The following SYT9 variants were observed in gnomAD, a reference collection of about 807,000 sequenced individuals.
SYT9 encodes the protein synaptotagmin 9.
SYT9 carries 22 observed loss-of-function variants against 48.4 expected under a neutral mutation model. The ratio of observed to expected loss-of-function variants is 0.45; its 90% CI spans 0.32 to 0.65. The LOEUF is 0.65. Among genes scored for constraint, SYT9 ranks in the 30% least tolerant of loss-of-function variants. The pLI is 0.03. For missense variants in SYT9, 577 were observed against 622.0 expected (o/e 0.93, Z 0.77); for synonymous variants, 265 against 245.0 (o/e 1.08, Z -0.76).
At chr11:7,446,261 A>G (rs1847928392) in intron 6 of SYT9, among the ~76,000 whole-genome samples, 1 of 152,246 alleles carries the variant, frequency 6.6e-6, no homozygotes, top group Non-Finnish European at 1.5e-5. Flanking sequence ...GAAGGACTGT[A>G]CAGTGAAGAT....
At chr11:7,273,370 A>G (rs1376411519) in intron 1 of SYT9, among the ~76,000 whole-genome samples, 2 of 151,190 alleles carry the variant, frequency 1.3e-5, no homozygotes, top group East Asian at 3.9e-4. Context: ...TTGTTTTTTG[A>G]CTGGTTCTTC....
At chr11:7,353,831 AT>A (rs1226090621) in intron 3 of SYT9, among the ~76,000 whole-genome samples, 1 of 152,114 alleles carries the variant, frequency 6.6e-6, no homozygotes, top group Non-Finnish European at 1.5e-5. Flanking sequence ...GTATATGTAT[AT>A]TTTCTTGTTT....
intron 1 of SYT9, among the ~76,000 whole-genome samples, chr11:7,290,425 T>C (rs889186948): frequency 6.6e-6 from 1 of 152,196 alleles, no homozygotes; most frequent in African/African-American, 2.4e-5. Flanking sequence ...TAATACATGA[T>C]GCTTGTCCCA....
At chr11:7,439,799 T>A (rs1260509174) in intron 6 of SYT9, 1 of 152,152 alleles carries the variant, frequency 6.6e-6, no homozygotes, top group Non-Finnish European at 1.5e-5. Flanking sequence ...CAAGCAGCCC[T>A]AACCACCGAG....
intron 1 of SYT9, among the ~76,000 whole-genome samples, chr11:7,277,569 G>A (rs1393139177): frequency 6.6e-6 from 1 of 152,164 alleles, no homozygotes; most frequent in Non-Finnish European, 1.5e-5. Context: ...GAAGAAAAGG[G>A]CACTTTTTCA....
chr11:7,312,543 A>C (rs186082251), intron 2 of SYT9, among the ~76,000 whole-genome samples: 3 of 152,372 alleles, frequency 2.0e-5, no homozygotes, highest in African/African-American at 7.2e-5. Flanking sequence ...CAGATCAGAC[A>C]GGCTTTAAAG....
At chr11:7,453,273 G>C (rs1848091708) in intron 6 of SYT9, among the ~76,000 whole-genome samples, 1 of 152,044 alleles carries the variant, frequency 6.6e-6, no homozygotes, top group African/African-American at 2.4e-5. Flanking sequence ...GCCCACTATG[G>C]GGAGGAGTGG....
intron 1 of SYT9, among the ~76,000 whole-genome samples, chr11:7,239,286 A>G (rs927050636): frequency 1.6e-4 from 25 of 152,216 alleles, no homozygotes; most frequent in African/African-American, 5.3e-4. Flanking sequence ...TTCTGGCTCC[A>G]CTGTTCTAGA....
At chr11:7,247,643 G>GAT (rs772500692), upstream of SYT9, among the ~76,000 whole-genome samples, 2,436 of 131,178 alleles carry the variant, frequency 0.019, 46 homozygotes, top group African/African-American at 0.049. Flanking sequence ...ATATATACGT[G>GAT]ATATATATAT....
rs1247408527 is a variant in SYT9, at chr11:7,252,160, G to A, written c.-27G>A. 3 of 1,407,330 alleles carry A rather than the reference G, an allele frequency of 2.1e-6. No homozygotes were observed. Among genetic ancestry groups the A allele is most frequent in the African/African-American group, 1.5e-5 (1 of 66,692 alleles). 87.2% of individuals were successfully genotyped at this position (1,407,330 alleles called of 1,614,324 possible). A position where few individuals can be genotyped will look rare whatever the true frequency, so the allele number is the denominator to read the frequency against. On this transcript the variant is annotated 5_prime_UTR_variant, in exon 1 of 7. Transcript: ENST00000318881. This position sits in a 1 kb window ranked among gnomAD's most constrained non-coding sequence, Gnocchi z 6.3. Reference sequence around the variant, plus strand: ...GGCTGTCTCCTGCGCCCGCCTGCCCGGCGCGGTCCGAGGATGCGGGGGGGC... The same window carrying A: ...GGCTGTCTCCTGCGCCCGCCTGCCCAGCGCGGTCCGAGGATGCGGGGGGGC...
intron 2 of SYT9, among the ~76,000 whole-genome samples, chr11:7,308,255 C>G (rs1849068093): frequency 6.6e-6 from 1 of 152,196 alleles, no homozygotes; most frequent in Non-Finnish European, 1.5e-5. Context: ...TTGCTTCTCT[C>G]TTTTTTCTCC....
intron 1 of SYT9, among the ~76,000 whole-genome samples, chr11:7,279,483 G>C (rs541057949): frequency 6.6e-6 from 1 of 152,172 alleles, no homozygotes; most frequent in African/African-American, 2.4e-5. Context: ...TTAAGGCAGC[G>C]GGAAGCTTAG....
intron 6 of SYT9, among the ~76,000 whole-genome samples, chr11:7,461,992 T>A (rs547945913): frequency 6.6e-6 from 1 of 152,322 alleles, no homozygotes; most frequent in Admixed American, 6.5e-5. Flanking sequence ...ACCTTTCCCC[T>A]CAAGGTCTAC....
intron 1 of SYT9, among the ~76,000 whole-genome samples, chr11:7,255,846 A>C (rs910134879): frequency 6.6e-6 from 1 of 152,166 alleles, no homozygotes; most frequent in African/African-American, 2.4e-5. Context: ...TTGAACAGTG[A>C]CCTGAGGTAT....
intron 1 of SYT9, among the ~76,000 whole-genome samples, chr11:7,301,608 T>C (rs1848922031): frequency 6.6e-6 from 1 of 152,274 alleles, no homozygotes; most frequent in South Asian, 2.1e-4. Context: ...AATATGAATC[T>C]GTGAAGACAT....
intron 3 of SYT9, among the ~76,000 whole-genome samples, chr11:7,322,237 C>T (rs1348241742): frequency 6.6e-6 from 1 of 152,156 alleles, no homozygotes; most frequent in Non-Finnish European, 1.5e-5. Flanking sequence ...ATTGACTCCC[C>T]AGGCTGCTGC....
intron 3 of SYT9, among the ~76,000 whole-genome samples, chr11:7,407,801 T>G (rs774443608): frequency 3.3e-5 from 5 of 152,218 alleles, no homozygotes; most frequent in Non-Finnish European, 5.9e-5. Context: ...ATGTATTCTT[T>G]CTCCTTGGTG....
At chr11:7,382,899 C>T (rs1055721788) in intron 3 of SYT9, among the ~76,000 whole-genome samples, 26 of 152,182 alleles carry the variant, frequency 1.7e-4, no homozygotes, top group Non-Finnish European at 2.8e-4. Context: ...CGGAGCTTGC[C>T]GGAGCCCCAG....
At chr11:7,354,236 C>G (rs568655117) in intron 3 of SYT9, among the ~76,000 whole-genome samples, 2 of 152,310 alleles carry the variant, frequency 1.3e-5, no homozygotes, top group Admixed American at 1.3e-4. Flanking sequence ...ACCCCCTTGT[C>G]TCCTTTCTGG....
Sources: gnomAD v4.1 joint callset for allele counts (sites outside exome capture counted in the v4.1 genomes callset) on GRCh38, gnomAD v4.1.1 for gene constraint, Gnocchi (gnomAD v3.1) non-coding constraint, MANE v1.5 for transcripts, NCBI Gene and HGNC (gene_info 2026-07-23, HGNC 2026-07-21) for gene names.